ACAN: variants seen among roughly 807,000 people sequenced by gnomAD.
ACAN encodes aggrecan, also known as aggrecan core protein.
A neutral mutation model predicts 169.1 loss-of-function variants in ACAN; 47 were observed. The ratio of observed to expected loss-of-function variants is 0.28; its 90% CI spans 0.22 to 0.35. The LOEUF is 0.35. Among genes scored for constraint, ACAN ranks in the 10% least tolerant of loss-of-function variants. The pLI is 1.00. For synonymous variants in ACAN, 1,115 were observed against 1,112.2 expected (o/e 1.00, Z -0.05); for missense variants, 2,716 against 2,759.9 (o/e 0.98, Z 0.36).
At chr15:88,808,492 G>A (rs1338046609) in intron 1 of ACAN, among the ~76,000 whole-genome samples, 2 of 152,164 alleles carry the variant, frequency 1.3e-5, no homozygotes, top group African/African-American at 2.4e-5. Flanking sequence ...TGGGGAAGAC[G>A]GACTGTAACC....
At chr15:88,825,911 G>C (rs1222783130) in intron 1 of ACAN, among the ~76,000 whole-genome samples, 1 of 152,172 alleles carries the variant, frequency 6.6e-6, no homozygotes, top group African/African-American at 2.4e-5. Context: ...GCATCCGCCT[G>C]GCTCCTGGTC....
intron 1 of ACAN, among the ~76,000 whole-genome samples, chr15:88,824,580 A>C (rs7172428): frequency 0.081 from 12,297 of 152,138 alleles, 861 homozygotes; most frequent in African/African-American, 0.19. Flanking sequence ...ATAATTTCAA[A>C]TAATAATGAT....
rs1895902957 is a variant in ACAN at position 88,814,957 on chromosome 15, G to C, written c.-8+11148G>C. Among the ~76,000 whole-genome samples, 1 of 151,386 alleles carries C rather than the reference G, an allele frequency of 6.6e-6. No homozygotes were observed. The highest frequency in any genetic ancestry group is 1.5e-5 in the Non-Finnish European group (1 of 67,964). ...AAGAACCTTTGGTGGTTCTCAGCCA[G>C]TTAAGGTGGCTGAACAGACTCAGTT... On this transcript the variant is annotated intron_variant, in intron 1 of 18. Transcript: ENST00000560601. The surrounding 1 kb of genome is among the most constrained non-coding windows in gnomAD (Gnocchi z 4.0).
chr15:88,809,367 C>G lies in ACAN; in HGVS notation c.-8+5558C>G, dbSNP rs559344489. ...TGACCTAGGGGAAACTGCTTCACCT[C>G]TCAGCCTCAGGTTCTTTATTTATAA... On this transcript the variant is annotated intron_variant, in intron 1 of 18. Transcript: ENST00000560601. Among the ~76,000 whole-genome samples the G allele has an allele frequency of 2.0e-5, 3 of 152,284 alleles. No individual in the cohort carries two copies. The South Asian group carries it at 6.2e-4, about 32-fold the overall frequency.
chr15:88,815,720 T>A (rs955381819), intron 1 of ACAN, among the ~76,000 whole-genome samples: 1 of 148,036 alleles, frequency 6.8e-6, no homozygotes, highest in African/African-American at 2.5e-5. Flanking sequence ...ATAGTTTTCC[T>A]GAGAAATCTA....
chr15:88,864,069 T>C (rs532139182), intron 13 of ACAN, among the ~76,000 whole-genome samples: 6 of 152,262 alleles, frequency 3.9e-5, no homozygotes, highest in African/African-American at 1.2e-4. Context: ...CCCAGCTACT[T>C]GGGAAGCTAA....
intron 2 of ACAN, among the ~76,000 whole-genome samples, chr15:88,837,576 G>A (rs1227018094): frequency 6.6e-6 from 1 of 152,142 alleles, no homozygotes; most frequent in Non-Finnish European, 1.5e-5. Flanking sequence ...GTTTGAGTGG[G>A]GCTTTAAAAA....
chr15:88,836,072 T>C, intron 1 of ACAN, 128 bp from the exon 2 acceptor site: 1 of 651,626 alleles, frequency 1.5e-6, no homozygotes, highest in Non-Finnish European at 2.7e-6. Flanking sequence ...ACGTGCAGCC[T>C]CCTTCTCTGG....
At chr15:88,810,872 A>G (rs1895804556) in intron 1 of ACAN, among the ~76,000 whole-genome samples, 1 of 152,146 alleles carries the variant, frequency 6.6e-6, no homozygotes. Context: ...GTCAACTCCT[A>G]GTTTAAAGCC....
chr15:88,863,428 T>C (rs1302876293), intron 13 of ACAN, among the ~76,000 whole-genome samples: 1 of 152,240 alleles, frequency 6.6e-6, no homozygotes, highest in African/African-American at 2.4e-5. Flanking sequence ...TCTGATTCAA[T>C]TGGTCTAAAG....
At chr15:88,865,916 C>T (rs1392182748) in intron 13 of ACAN, among the ~76,000 whole-genome samples, 3 of 152,152 alleles carry the variant, frequency 2.0e-5, no homozygotes, top group African/African-American at 7.2e-5. Context: ...GCTGACTCAG[C>T]CTCTCCAAAC....
chr15:88,862,364 A>G (rs959032949), intron 13 of ACAN, among the ~76,000 whole-genome samples: 1 of 152,222 alleles, frequency 6.6e-6, no homozygotes, highest in Non-Finnish European at 1.5e-5. Context: ...GGCGACTCCA[A>G]TGTGCAGCCA....
chr15:88,832,655 T>C (rs189174609), intron 1 of ACAN, among the ~76,000 whole-genome samples: 1 of 152,334 alleles, frequency 6.6e-6, no homozygotes. Context: ...GTCATTTTTT[T>C]CCCCATTGTC....
intron 2 of ACAN, among the ~76,000 whole-genome samples, chr15:88,837,882 G>T (rs1350930683): frequency 6.9e-6 from 1 of 144,038 alleles, no homozygotes; most frequent in African/African-American, 2.7e-5. Flanking sequence ...CTCCATGAAA[G>T]GTGCTTTTTT....
intron 9 of ACAN, among the ~76,000 whole-genome samples, chr15:88,848,935 A>G (rs983813762): frequency 1.3e-5 from 2 of 152,262 alleles, no homozygotes; most frequent in African/African-American, 4.8e-5. Context: ...TAAACCGGAT[A>G]GGTATCAGGT....
At chr15:88,829,642 A>G (rs1465403871) in intron 1 of ACAN, among the ~76,000 whole-genome samples, 1 of 152,164 alleles carries the variant, frequency 6.6e-6, no homozygotes, top group African/African-American at 2.4e-5. Flanking sequence ...CAAATAAGTG[A>G]TGTGCTGGTG....
At chr15:88,847,866 C>A in intron 8 of ACAN, 45 bp from the exon 9 acceptor site, 1 of 1,600,274 alleles carries the variant, frequency 6.2e-7, no homozygotes, top group Non-Finnish European at 8.5e-7. Context: ...CATCTACCAG[C>A]CCCTGGAACA....
rs1192794860 is a variant in ACAN at position 88,857,961 on chromosome 15, C to T, written c.5376C>T (p.Val1792=). The change falls in exon 12 of 19, where the codon GTC becomes GTT. Residue 1792 remains valine, a synonymous_variant. Transcript: ENST00000560601. ...ATCTGAGTGGAGAAACATCTGGGGT[C>T]CCTGATCTCAGTGGGCAGCCTTCAG... ...ITDLSGETSG[V]PDLSGQPSGL... is the part of the protein sequence containing the mutation. 2.5e-6 allele frequency: 4 copies of T among 1,613,792 alleles called. No homozygotes were observed. Among genetic ancestry groups the T allele is most frequent in the Non-Finnish European group, 3.4e-6 (4 of 1,179,890 alleles).
In ACAN at chr15:88,848,024, T is replaced by G. The variant is rs763839982; in HGVS notation, c.1718T>G (p.Val573Gly). The G allele has an allele frequency of 1.2e-6, 2 of 1,613,746 alleles. No individual in the cohort carries two copies. The highest frequency in any genetic ancestry group is 3.3e-5 in the Admixed American group (2 of 60,014). ...STETYDVYCFVDRLEGEVFFA... is the reference protein window; with the variant it reads ...STETYDVYCFGDRLEGEVFFA... ...GAGACCTACGATGTCTACTGCTTTG[T>G]AGACAGACTTGAGGGTACAAGCCAC... The change falls in exon 9 of 19, where the codon GTA (valine) becomes GGA (glycine). Residue 573 changes from valine to glycine, a missense_variant. By Grantham distance (109) the Val-to-Gly change is moderately radical. Coordinates refer to ENST00000560601, the MANE Select transcript of ACAN (RefSeq NM_001369268.1).
Sources: allele counts gnomAD v4.1 joint callset (sites outside exome capture counted in the v4.1 genomes callset), GRCh38; gene constraint gnomAD v4.1.1; non-coding constraint Gnocchi (gnomAD v3.1); transcripts MANE v1.5; gene names NCBI Gene and HGNC (gene_info 2026-07-23, HGNC 2026-07-21).